Variants in SH3GL3 observed in about 807,000 individuals in gnomAD.
The protein encoded by SH3GL3 is endophilin-A3.
Under a neutral mutation model 47.7 loss-of-function variants are expected in SH3GL3, and 33 were observed. The observed-to-expected ratio is 0.69, with a 90% CI of 0.52 to 0.92. SH3GL3 has a LOEUF of 0.92. SH3GL3 is among the 40% of genes least tolerant of loss of function. The pLI, the probability that SH3GL3 is intolerant of heterozygous loss-of-function variation, is 0.00. For synonymous variants in SH3GL3, 155 were observed against 148.8 expected, an observed-to-expected ratio of 1.04 and a Z score of -0.30; for missense variants, 363 against 417.8, an observed-to-expected ratio of 0.87 and a Z score of 1.14.
At position 83,618,479 on chromosome 15, in the gene SH3GL3, A is replaced by G. The variant is rs899958991; in HGVS notation, c.*192A>G. 2 of 481,738 alleles carry G rather than the reference A, an allele frequency of 4.2e-6. No individual in the cohort carries two copies. The highest frequency in any genetic ancestry group is 9.9e-5 in the African/African-American group (2 of 20,108). 29.8% of individuals were successfully genotyped at this position (481,738 alleles called of 1,614,324 possible). On this transcript the variant is annotated 3_prime_UTR_variant, in exon 9 of 9. Transcript: ENST00000427482. ...GATTTTCTTGTCCTTGCTACATGAA[A>G]ATATTTTCTTTTTTGCTTCCTGTCC...
chr15:83,588,372 C>CCT, intron 7 of SH3GL3, among the ~76,000 whole-genome samples: 1 of 152,290 alleles, frequency 6.6e-6, no homozygotes, highest in Non-Finnish European at 1.5e-5. Flanking sequence ...CTCAGGTGAG[C>CCT]ACCTTGGCCT....
At chr15:83,586,624 A>C (rs1226433847) in intron 6 of SH3GL3, among the ~76,000 whole-genome samples, 1 of 152,222 alleles carries the variant, frequency 6.6e-6, no homozygotes, top group Non-Finnish European at 1.5e-5. Flanking sequence ...TTCTTTTGCT[A>C]AATGTTGGCT....
At chr15:83,581,052 C>T (rs1364537359) in intron 6 of SH3GL3, among the ~76,000 whole-genome samples, 1 of 152,216 alleles carries the variant, frequency 6.6e-6, no homozygotes, top group East Asian at 1.9e-4. Context: ...ACCAAAATCT[C>T]ACCCTGGGGG....
chr15:83,596,479 T>A (rs1308051663), intron 8 of SH3GL3, among the ~76,000 whole-genome samples: 1 of 152,212 alleles, frequency 6.6e-6, no homozygotes, highest in Non-Finnish European at 1.5e-5. Flanking sequence ...GGTATTAAAA[T>A]CTCTGATTAT....
At chr15:83,483,501 G>A (rs2041461176) in intron 1 of SH3GL3, among the ~76,000 whole-genome samples, 1 of 152,138 alleles carries the variant, frequency 6.6e-6, no homozygotes, top group Non-Finnish European at 1.5e-5. Context: ...CTATGTATTA[G>A]ATAGCACGGT....
At chr15:83,514,436 C>G (rs1330511857) in intron 1 of SH3GL3, among the ~76,000 whole-genome samples, 1 of 151,672 alleles carries the variant, frequency 6.6e-6, no homozygotes, top group African/African-American at 2.4e-5. Flanking sequence ...TTGGAGGGAG[C>G]AAAAGAGAGA....
At chr15:83,586,138 C>G (rs1234181828) in intron 6 of SH3GL3, among the ~76,000 whole-genome samples, 2 of 152,310 alleles carry the variant, frequency 1.3e-5, no homozygotes, top group South Asian at 2.1e-4. Flanking sequence ...GGCCCATCAC[C>G]TCAACCCTCT....
intron 1 of SH3GL3, among the ~76,000 whole-genome samples, chr15:83,489,837 C>CGATAGATA (rs60233650): frequency 0.01 from 1,469 of 144,734 alleles, 18 homozygotes; most frequent in Admixed American, 0.012. Flanking sequence ...TGTCAGAAGC[C>CGATAGATA]GATAGATAGA....
chr15:83,542,826 C>T (rs571867832), intron 1 of SH3GL3, among the ~76,000 whole-genome samples: 1 of 152,194 alleles, frequency 6.6e-6, no homozygotes, highest in South Asian at 2.1e-4. Flanking sequence ...TATCCTACAA[C>T]TTTATTGAAT....
chr15:83,504,987 T>C (rs1803687972), intron 1 of SH3GL3, among the ~76,000 whole-genome samples: 1 of 152,222 alleles, frequency 6.6e-6, no homozygotes, highest in Non-Finnish European at 1.5e-5. Context: ...TTTACCTATT[T>C]TATACATGTA....
chr15:83,498,580 T>TA (rs1289636726), intron 1 of SH3GL3, among the ~76,000 whole-genome samples: 1 of 152,182 alleles, frequency 6.6e-6, no homozygotes, highest in Non-Finnish European at 1.5e-5. Flanking sequence ...TCCACACCCT[T>TA]ATCTCTCTAC....
intron 4 of SH3GL3, among the ~76,000 whole-genome samples, chr15:83,572,118 C>T (rs1193628028): frequency 4.6e-5 from 7 of 152,168 alleles, no homozygotes; most frequent in African/African-American, 1.2e-4. Context: ...GAAGATCCCA[C>T]GGCTAGAAGC....
intron 4 of SH3GL3, among the ~76,000 whole-genome samples, chr15:83,569,155 C>T (rs2045697696): frequency 6.6e-6 from 1 of 152,144 alleles, no homozygotes; most frequent in South Asian, 2.1e-4. Flanking sequence ...CCTCGGCCTC[C>T]CAAACTGCTG....
intron 8 of SH3GL3, among the ~76,000 whole-genome samples, chr15:83,606,597 C>G (rs1004879381): frequency 1.3e-5 from 2 of 152,066 alleles, no homozygotes; most frequent in African/African-American, 4.8e-5. Flanking sequence ...AATAGCCTTC[C>G]CCCCAGATCC....
intron 1 of SH3GL3, among the ~76,000 whole-genome samples, chr15:83,520,402 C>T (rs536518407): frequency 2.0e-4 from 31 of 152,310 alleles, no homozygotes; most frequent in Middle Eastern, 3.4e-3. Flanking sequence ...ACTGTCTCCC[C>T]TAAGGTGTAA....
intron 2 of SH3GL3, among the ~76,000 whole-genome samples, chr15:83,562,091 C>T (rs2151748376): frequency 1.4e-5 from 2 of 142,564 alleles, no homozygotes; most frequent in Non-Finnish European, 3.0e-5. Flanking sequence ...ACTATAGTGT[C>T]CCTAGTTATT....
Position 83,601,521 on chromosome 15 carries a change from C to A in SH3GL3, c.838+12750C>A, listed in dbSNP as rs376448885. Among the ~76,000 whole-genome samples the A allele has an allele frequency of 1.2e-4, 18 of 152,224 alleles. No homozygotes were observed. In the South Asian group the frequency reaches 3.3e-3, roughly 28 times the overall value. On this transcript the variant is annotated intron_variant, in intron 8 of 8. Coordinates refer to ENST00000427482, the MANE Select transcript of SH3GL3 (RefSeq NM_003027.5). ...ATATATTGACTTGCGTATGTTAAAC[C>A]ATCCCTGCATCCCTGGTATAAAACC...
intron 1 of SH3GL3, among the ~76,000 whole-genome samples, chr15:83,472,774 GC>G (rs1394618849): frequency 3.9e-5 from 6 of 152,010 alleles, no homozygotes; most frequent in Admixed American, 1.3e-4. Context: ...TAAAATCTGG[GC>G]ATTTGGGGCT....
intron 8 of SH3GL3, among the ~76,000 whole-genome samples, chr15:83,607,541 A>G (rs2060549990): frequency 1.3e-5 from 2 of 152,184 alleles, no homozygotes; most frequent in South Asian, 4.1e-4. Context: ...GTCTTCAACA[A>G]CTAGAAAACA....
Sources: gnomAD v4.1 joint callset for allele counts (sites outside exome capture counted in the v4.1 genomes callset) on GRCh38, gnomAD v4.1.1 for gene constraint, MANE v1.5 for transcripts, NCBI Gene and HGNC (gene_info 2026-07-23, HGNC 2026-07-21) for gene names.